RAD51B: variants seen among roughly 807,000 people sequenced by gnomAD.
The protein encoded by RAD51B is RAD51 paralog B.
RAD51B carries 38 observed loss-of-function variants against 42.2 expected under a neutral mutation model. That is an observed-to-expected ratio of 0.90 (90% CI 0.70 to 1.18). The LOEUF (loss-of-function observed/expected upper bound fraction) is 1.18, where lower values mean the gene tolerates loss of function less well. Among genes scored for constraint, RAD51B ranks in the 50% most tolerant of loss-of-function variants. The pLI is 0.00. For missense variants in RAD51B, 373 were observed against 400.7 expected, an observed-to-expected ratio of 0.93 and a Z score of 0.59; for synonymous variants, 154 against 145.2, an observed-to-expected ratio of 1.06 and a Z score of -0.43.
chr14:68,313,063 G>C (rs1218561572), intron 8 of RAD51B, among the ~76,000 whole-genome samples: 1 of 152,200 alleles, frequency 6.6e-6, no homozygotes, highest in Non-Finnish European at 1.5e-5. Context: ...TATGGGGAAA[G>C]GGTACGATAT....
At chr14:68,465,681 C>A (rs952725262) in intron 9 of RAD51B, among the ~76,000 whole-genome samples, 1 of 152,154 alleles carries the variant, frequency 6.6e-6, no homozygotes, top group Admixed American at 6.5e-5. Flanking sequence ...GTGGCTCACA[C>A]CTGTAATCCC....
rs114132487 is a variant in RAD51B at position 68,084,404 on chromosome 14, G to A, written c.756+197200G>A. Among the ~76,000 whole-genome samples, 406 of 152,182 alleles carry A rather than the reference G, an allele frequency of 2.7e-3. 2 individuals are homozygous for A. The highest frequency in any genetic ancestry group is 9.5e-3 in the African/African-American group (395 of 41,522). On this transcript the variant is annotated intron_variant, in intron 7 of 10. Transcript: ENST00000471583. Reference sequence around the variant, plus strand: ...ACTAGATAATTCCTTGTCACTGGGGGCTGTTCTGTACATTGTAGGATATTT... The same window carrying A: ...ACTAGATAATTCCTTGTCACTGGGGACTGTTCTGTACATTGTAGGATATTT...
At chr14:68,460,800 C>A (rs2085825711) in intron 9 of RAD51B, among the ~76,000 whole-genome samples, 1 of 152,130 alleles carries the variant, frequency 6.6e-6, no homozygotes, top group Admixed American at 6.5e-5. Context: ...CCTGGCCAAG[C>A]CAAGAATCTT....
At chr14:68,304,259 C>T (rs773614523) in intron 8 of RAD51B, among the ~76,000 whole-genome samples, 1 of 151,862 alleles carries the variant, frequency 6.6e-6, no homozygotes, top group African/African-American at 2.4e-5. Context: ...GCCTATTATG[C>T]GTCAGGCACT....
intron 7 of RAD51B, among the ~76,000 whole-genome samples, chr14:68,036,313 T>A (rs1305214761): frequency 2.0e-5 from 3 of 152,192 alleles, no homozygotes; most frequent in Non-Finnish European, 4.4e-5. Context: ...GGCAGAAACA[T>A]CTCCTAATTC....
At position 68,540,577 on chromosome 14, in the gene RAD51B, TG is replaced by T. The variant is rs1395735605; in HGVS notation, c.1037-53906del. ...AGTATTTGCAAAACTGGGCTTAGCG[TG>T]GTTCTAGGTGCTGTGCAAGTATATA... On this transcript the variant is annotated intron_variant, in intron 10 of 10. Coordinates refer to the RAD51B transcript ENST00000487270. 3.0e-6 allele frequency: 3 copies of T among 985,264 alleles called. No individual in the cohort carries two copies. The East Asian group carries it at 3.4e-4, about 112-fold the overall frequency. 61.0% of individuals were successfully genotyped at this position (985,264 alleles called of 1,614,324 possible).
chr14:68,270,434 C>T (rs1034843934), intron 7 of RAD51B, among the ~76,000 whole-genome samples: 1 of 152,142 alleles, frequency 6.6e-6, no homozygotes, highest in Non-Finnish European at 1.5e-5. Context: ...TCTGTAATTT[C>T]CCACAGTCTT....
At chr14:68,611,231 A>G (rs1459831278) in exon 11 of RAD51B, 6 of 702,920 alleles carry the variant, frequency 8.5e-6, no homozygotes, top group Non-Finnish European at 1.6e-5. Flanking sequence ...GAGACTTTGG[A>G]TGAGCATCCA....
intron 8 of RAD51B, among the ~76,000 whole-genome samples, chr14:68,301,404 G>T (rs187666611): frequency 6.6e-6 from 1 of 152,124 alleles, no homozygotes; most frequent in African/African-American, 2.4e-5. Flanking sequence ...CAGTCGATAA[G>T]TGGCTGCCAG....
At chr14:68,248,933 C>G (rs1303460071) in intron 7 of RAD51B, among the ~76,000 whole-genome samples, 1 of 152,236 alleles carries the variant, frequency 6.6e-6, no homozygotes, top group Non-Finnish European at 1.5e-5. Flanking sequence ...CTTTGTGTGG[C>G]AGTGGGTCAT....
intron 7 of RAD51B, among the ~76,000 whole-genome samples, chr14:67,892,290 G>A (rs1030849102): frequency 6.6e-6 from 1 of 152,166 alleles, no homozygotes. Context: ...TAGAAAAAGT[G>A]TATCTTTCTT....
chr14:68,540,793 T>C, intron 10 of RAD51B: 2 of 985,366 alleles, frequency 2.0e-6, no homozygotes, highest in Non-Finnish European at 2.4e-6. Context: ...GAGTAGAATT[T>C]CAACAAAGAG....
chr14:68,015,877 C>G (rs2075771079), intron 7 of RAD51B, among the ~76,000 whole-genome samples: 1 of 152,196 alleles, frequency 6.6e-6, no homozygotes, highest in South Asian at 2.1e-4. Flanking sequence ...TTTATAAATG[C>G]CTTACCTTTT....
intron 7 of RAD51B, among the ~76,000 whole-genome samples, chr14:68,282,001 G>A (rs948623047): frequency 6.0e-5 from 9 of 149,402 alleles, no homozygotes; most frequent in Non-Finnish European, 1.2e-4. Flanking sequence ...TTTCTTTTGA[G>A]ATGGAGTTTT....
chr14:68,379,682 A>G (rs540350979), intron 8 of RAD51B, among the ~76,000 whole-genome samples: 3 of 152,218 alleles, frequency 2.0e-5, no homozygotes, highest in African/African-American at 7.2e-5. Context: ...TGTGGTCAGG[A>G]TACATCTGAA....
At chr14:67,966,340 G>A (rs1331284107) in intron 7 of RAD51B, among the ~76,000 whole-genome samples, 2 of 152,184 alleles carry the variant, frequency 1.3e-5, no homozygotes, top group Admixed American at 1.3e-4. Flanking sequence ...TACTGAGGAA[G>A]CAGAGGCCTT....
intron 7 of RAD51B, among the ~76,000 whole-genome samples, chr14:67,966,498 A>G (rs2074781608): frequency 6.6e-6 from 1 of 152,222 alleles, no homozygotes; most frequent in South Asian, 2.1e-4. Flanking sequence ...AACATGTGGA[A>G]TGTTTGTAAA....
intron 8 of RAD51B, among the ~76,000 whole-genome samples, chr14:68,311,332 G>A (rs2081963240): frequency 6.6e-6 from 1 of 152,076 alleles, no homozygotes; most frequent in African/African-American, 2.4e-5. Context: ...AAATTTTCAG[G>A]AAATCTGGCC....
At chr14:67,983,395 T>C (rs1288606237) in intron 7 of RAD51B, among the ~76,000 whole-genome samples, 2 of 152,218 alleles carry the variant, frequency 1.3e-5, no homozygotes, top group African/African-American at 4.8e-5. Context: ...AGAAGGCCTA[T>C]GTAGTCCTAT....
Sources: allele counts gnomAD v4.1 joint callset (sites outside exome capture counted in the v4.1 genomes callset), GRCh38; gene constraint gnomAD v4.1.1; transcripts MANE v1.5; gene names NCBI Gene and HGNC (gene_info 2026-07-23, HGNC 2026-07-21).